The following CFAP299 variants were observed in gnomAD, a reference collection of about 807,000 sequenced individuals.
CFAP299 encodes the protein cilia and flagella associated protein 299, also known as cilia- and flagella-associated protein 299.
A neutral mutation model predicts 27.0 loss-of-function variants in CFAP299; 21 were observed. The ratio of observed to expected loss-of-function variants is 0.78; its 90% CI spans 0.55 to 1.12. The LOEUF (loss-of-function observed/expected upper bound fraction) is 1.12. CFAP299 is among the 50% of genes most tolerant of loss of function. The pLI is 0.00. For synonymous variants in CFAP299, 104 were observed against 98.1 expected, an observed-to-expected ratio of 1.06 and a Z score of -0.36; for missense variants, 310 against 276.6, an observed-to-expected ratio of 1.12 and a Z score of -0.86.
At chr4:80,447,119 GTT>G (rs71641487) in intron 2 of CFAP299, among the ~76,000 whole-genome samples, 1 of 65,508 alleles carries the variant, frequency 1.5e-5, no homozygotes, top group East Asian at 5.3e-4. Context: ...CTTTTTATTT[GTT>G]TTTTTTTTGT....
intron 2 of CFAP299, among the ~76,000 whole-genome samples, chr4:80,523,132 A>G (rs1733003965): frequency 1.3e-5 from 2 of 152,114 alleles, no homozygotes; most frequent in Non-Finnish European, 2.9e-5. Context: ...ATGAGCATAG[A>G]GTATCTTTAG....
At chr4:80,777,427 A>G (rs539670852) in intron 3 of CFAP299, among the ~76,000 whole-genome samples, 1 of 152,152 alleles carries the variant, frequency 6.6e-6, no homozygotes, top group Admixed American at 6.6e-5. Flanking sequence ...TTGACTTTTC[A>G]TTCAGGCTAG....
Position 80,944,064 on chromosome 4 carries a change from CAATAAATAAATA to C in CFAP299, c.477-712_477-701del, listed in dbSNP as rs199854313. Among the ~76,000 whole-genome samples the C allele has an allele frequency of 4.8e-3, 700 of 144,460 alleles. 3 individuals are homozygous for C. Among genetic ancestry groups the C allele is most frequent in the African/African-American group, 0.011 (433 of 38,690 alleles). 94.8% of individuals were successfully genotyped at this position (144,460 alleles called of 152,430 possible). On this transcript the variant is annotated intron_variant, in intron 4 of 5. Coordinates refer to ENST00000358105, the MANE Select transcript of CFAP299 (RefSeq NM_152770.3). ...CTGGAGACAGAGCAAGACTCCATCT[CAATAAATAAATA>C]AATAAATAAATAAATAAATAAATAA...
chr4:80,358,865 T>C (rs1723401938), intron 1 of CFAP299, among the ~76,000 whole-genome samples: 1 of 152,116 alleles, frequency 6.6e-6, no homozygotes, highest in Admixed American at 6.5e-5. Context: ...GTCACCACAG[T>C]TTTAGCTAGT....
chr4:80,740,057 C>T (rs1465794072), intron 3 of CFAP299, among the ~76,000 whole-genome samples: 1 of 152,092 alleles, frequency 6.6e-6, no homozygotes, highest in Non-Finnish European at 1.5e-5. Flanking sequence ...TGAATTCCTT[C>T]TCTGTGTTAT....
chr4:80,531,977 A>T (rs1415825252), intron 2 of CFAP299, among the ~76,000 whole-genome samples: 1 of 151,956 alleles, frequency 6.6e-6, no homozygotes, highest in Non-Finnish European at 1.5e-5. Flanking sequence ...GCTAGTCCCG[A>T]ACTCCCGACC....
intron 1 of CFAP299, among the ~76,000 whole-genome samples, chr4:80,349,639 A>G (rs975581710): frequency 6.6e-6 from 1 of 152,210 alleles, no homozygotes; most frequent in African/African-American, 2.4e-5. Context: ...TAGGACTGCA[A>G]CGAGGAACTC....
chr4:80,891,587 G>A (rs1734277024), intron 4 of CFAP299, among the ~76,000 whole-genome samples: 1 of 106,144 alleles, frequency 9.4e-6, no homozygotes, highest in Non-Finnish European at 1.9e-5. Context: ...GACACAGGAA[G>A]GGGAATATCA....
intron 4 of CFAP299, among the ~76,000 whole-genome samples, chr4:80,902,991 G>A (rs1405395604): frequency 6.6e-6 from 1 of 151,944 alleles, no homozygotes; most frequent in Non-Finnish European, 1.5e-5. Context: ...CTTATAAAGT[G>A]TTACTATATA....
In CFAP299 at chr4:80,397,046, C is replaced by G. The variant is rs181325927; in HGVS notation, c.242+34162C>G. Among the ~76,000 whole-genome samples, 339 of 152,214 alleles carry G rather than the reference C, an allele frequency of 2.2e-3. 4 individuals carry two copies. Among genetic ancestry groups the G allele is most frequent in the African/African-American group, 7.9e-3 (329 of 41,532 alleles). On this transcript the variant is annotated intron_variant, in intron 2 of 5. Coordinates refer to ENST00000358105, the MANE Select transcript of CFAP299 (RefSeq NM_152770.3). ...TGGTTGGTAGGCTATTAATTATTGCCTCAATTTCAGAGCCTGTTATTGGTC... is the reference window on the plus strand; with the variant it reads ...TGGTTGGTAGGCTATTAATTATTGCGTCAATTTCAGAGCCTGTTATTGGTC...
At chr4:80,678,581 C>A (rs770763483) in intron 3 of CFAP299, among the ~76,000 whole-genome samples, 3 of 152,000 alleles carry the variant, frequency 2.0e-5, no homozygotes, top group Non-Finnish European at 2.9e-5. Flanking sequence ...TTTCACACAC[C>A]TAATGAGTGG....
intron 2 of CFAP299, among the ~76,000 whole-genome samples, chr4:80,528,376 T>C (rs535113146): frequency 5.9e-5 from 9 of 152,136 alleles, no homozygotes; most frequent in Non-Finnish European, 8.8e-5. Context: ...CTGATCATAT[T>C]TATGGTTCAT....
intron 3 of CFAP299, among the ~76,000 whole-genome samples, chr4:80,793,598 T>C (rs1727694436): frequency 6.6e-6 from 1 of 152,108 alleles, no homozygotes; most frequent in African/African-American, 2.4e-5. Flanking sequence ...AAGGTCATAA[T>C]TTCATCTAAC....
At chr4:80,326,676 T>A in the CFAP299 span, among the ~76,000 whole-genome samples, 3 of 152,204 alleles carry the variant, frequency 2.0e-5, no homozygotes, top group African/African-American at 7.2e-5. Flanking sequence ...TGCTTTGTTA[T>A]GGGTATCAGT....
At position 80,592,875 on chromosome 4, in the gene CFAP299, C is replaced by G. The variant is rs548955856; in HGVS notation, c.333+9692C>G. Among the ~76,000 whole-genome samples, 164 of 152,246 alleles carry G rather than the reference C, an allele frequency of 1.1e-3. No homozygotes were observed. The Middle Eastern group carries it at 0.017, about 16-fold the overall frequency. On this transcript the variant is annotated intron_variant, in intron 3 of 5. Coordinates refer to ENST00000358105, the MANE Select transcript of CFAP299 (RefSeq NM_152770.3). ...ATTTAATACTTTAAGAGTTTGGTGTCTATAGCACAGTTTGGATCAGAAACG... is the reference window on the plus strand; with the variant it reads ...ATTTAATACTTTAAGAGTTTGGTGTGTATAGCACAGTTTGGATCAGAAACG...
intron 1 of CFAP299, among the ~76,000 whole-genome samples, chr4:80,349,779 C>T (rs1252958666): frequency 1.3e-5 from 2 of 152,268 alleles, no homozygotes; most frequent in East Asian, 3.9e-4. Flanking sequence ...AAACGTCATA[C>T]TCAGTGTTTA....
At chr4:80,551,195 T>C (rs1437795455) in intron 2 of CFAP299, among the ~76,000 whole-genome samples, 1 of 152,186 alleles carries the variant, frequency 6.6e-6, no homozygotes, top group Non-Finnish European at 1.5e-5. Flanking sequence ...AGTGTAGCTT[T>C]GACAATTACT....
intron 3 of CFAP299, among the ~76,000 whole-genome samples, chr4:80,620,573 G>T (rs1047434746): frequency 9.9e-5 from 15 of 152,130 alleles, no homozygotes; most frequent in Admixed American, 4.6e-4. Context: ...GCTTTAGGAT[G>T]ATGGCTTGAT....
In CFAP299 at chr4:80,390,989, A is replaced by G. The variant is rs1256848378; in HGVS notation, c.242+28105A>G. On this transcript the variant is annotated intron_variant, in intron 2 of 5. Transcript: ENST00000358105. ...TATATATGTATGTACACACATGTAT[A>G]TATGTATATATGTATGTACACACAT... Among the ~76,000 whole-genome samples the G allele has an allele frequency of 2.0e-5, 3 of 147,320 alleles. 1 individual carries two copies. The highest frequency in any genetic ancestry group is 4.5e-5 in the Non-Finnish European group (3 of 66,872).
Sources: gnomAD v4.1 joint callset for allele counts (sites outside exome capture counted in the v4.1 genomes callset) on GRCh38, gnomAD v4.1.1 for gene constraint, MANE v1.5 for transcripts, NCBI Gene and HGNC (gene_info 2026-07-23, HGNC 2026-07-21) for gene names.